CADPS: variants seen among roughly 807,000 people sequenced by gnomAD.
CADPS encodes calcium-dependent secretion activator 1.
A neutral mutation model predicts 167.3 loss-of-function variants in CADPS; 57 were observed. That is an observed-to-expected ratio of 0.34 (90% CI 0.28 to 0.42). CADPS has a LOEUF of 0.42. CADPS is among the 20% of genes least tolerant of loss of function. CADPS has a pLI of 1.00. For missense variants in CADPS, 1,414 were observed against 1,738.1 expected (o/e 0.81, Z 3.32); for synonymous variants, 676 against 635.3 (o/e 1.06, Z -0.96).
intron 6 of CADPS, among the ~76,000 whole-genome samples, chr3:62,598,891 T>C (rs931654241): frequency 3.3e-5 from 5 of 152,214 alleles, no homozygotes; most frequent in African/African-American, 9.7e-5. Context: ...TGGGCCACTC[T>C]GGCTTTTTAC....
intron 3 of CADPS, among the ~76,000 whole-genome samples, chr3:62,668,385 C>T (rs949979341): frequency 1.3e-5 from 2 of 152,088 alleles, no homozygotes; most frequent in South Asian, 2.1e-4. Context: ...GCACCACATC[C>T]TCCCCCAGTA....
chr3:62,719,581 A>T (rs1006357494), intron 3 of CADPS, among the ~76,000 whole-genome samples: 1 of 152,212 alleles, frequency 6.6e-6, no homozygotes, highest in African/African-American at 2.4e-5. Context: ...GCTTACCATT[A>T]GATTCTCAGT....
At chr3:62,819,951 G>A (rs901108407) in intron 1 of CADPS, among the ~76,000 whole-genome samples, 1 of 152,090 alleles carries the variant, frequency 6.6e-6, no homozygotes, top group African/African-American at 2.4e-5. Flanking sequence ...GAGTATAACA[G>A]CTTTTCTGAT....
intron 1 of CADPS, among the ~76,000 whole-genome samples, chr3:62,844,619 T>A (rs1164498577): frequency 6.6e-6 from 1 of 152,180 alleles, no homozygotes; most frequent in Non-Finnish European, 1.5e-5. Flanking sequence ...AGCGTAGGTA[T>A]CGGGGTCTAT....
At chr3:62,815,394 T>C (rs1381494490) in intron 1 of CADPS, among the ~76,000 whole-genome samples, 2 of 151,620 alleles carry the variant, frequency 1.3e-5, no homozygotes, top group African/African-American at 2.4e-5. Flanking sequence ...AAAATTAATC[T>C]ATGGTCCGAG....
At chr3:62,712,952 C>T (rs2083700092) in intron 3 of CADPS, among the ~76,000 whole-genome samples, 1 of 152,182 alleles carries the variant, frequency 6.6e-6, no homozygotes, top group South Asian at 2.1e-4. Flanking sequence ...ATGAGCCAGC[C>T]TCAAACCTGG....
rs139289931 is a variant in CADPS, at chr3:62,710,402, T to TAA, written c.888+43037_888+43038dup. Among the ~76,000 whole-genome samples, 11 of 149,688 alleles carry TAA rather than the reference T, an allele frequency of 7.3e-5. No homozygotes were observed. The East Asian group carries it at 2.0e-3, about 27-fold the overall frequency. On this transcript the variant is annotated intron_variant, in intron 3 of 29. Coordinates refer to ENST00000383710, the MANE Select transcript of CADPS (RefSeq NM_003716.4). Reference sequence around the variant, plus strand: ...TTTTTTTAAAAAGTTGAGATATAATTAAAAAAAAAATCTGAGATAAACCTT... The same window carrying TAA: ...TTTTTTTAAAAAGTTGAGATATAATTAAAAAAAAAAAATCTGAGATAAACCTT...
chr3:62,660,197 TA>T (rs1174956078), intron 4 of CADPS, among the ~76,000 whole-genome samples: 1 of 152,166 alleles, frequency 6.6e-6, no homozygotes, highest in South Asian at 2.1e-4. Flanking sequence ...ACAAAGCAAG[TA>T]AATTAAAGGT....
At chr3:62,688,057 G>T (rs2078418040) in intron 3 of CADPS, among the ~76,000 whole-genome samples, 1 of 152,038 alleles carries the variant, frequency 6.6e-6, no homozygotes, top group African/African-American at 2.4e-5. Context: ...AGGTGGTAAG[G>T]CACTGTGGTT....
rs369016576 is a variant in CADPS at position 62,874,625 on chromosome 3, G to C, written c.405C>G (p.Ala135=). ...VMRCIAYPFN[A]KQPTDMARRQ... is the part of the protein sequence containing the mutation. The stretch of plus-strand genomic sequence containing the variant: ...GGCGAGCCATGTCGGTGGGCTGCTT[G>C]GCATTAAAGGGGTAGGCGATGCAGC... The change falls in exon 1 of 30, where the codon GCC becomes GCG. Residue 135 remains alanine, a synonymous_variant. Coordinates refer to ENST00000383710, the MANE Select transcript of CADPS (RefSeq NM_003716.4). This position sits in a 1 kb window ranked among gnomAD's most constrained non-coding sequence, Gnocchi z 7.1. The C allele has an allele frequency of 6.4e-6, 10 of 1,559,812 alleles. No homozygotes were observed. The East Asian group carries it at 2.2e-4, about 34-fold the overall frequency.
chr3:62,707,594 A>G (rs951608996), intron 3 of CADPS, among the ~76,000 whole-genome samples: 5 of 152,154 alleles, frequency 3.3e-5, no homozygotes, highest in Admixed American at 1.3e-4. Context: ...TGTGTTTTCC[A>G]TTATGTAGTC....
intron 17 of CADPS, among the ~76,000 whole-genome samples, chr3:62,504,470 G>C (rs1342744443): frequency 2.0e-5 from 3 of 152,216 alleles, no homozygotes; most frequent in Non-Finnish European, 2.9e-5. Context: ...AACCTGGGTA[G>C]AGAAAGACTT....
chr3:62,630,424 C>A (rs986435546), intron 6 of CADPS, among the ~76,000 whole-genome samples: 3 of 152,170 alleles, frequency 2.0e-5, no homozygotes, highest in Non-Finnish European at 1.5e-5. Flanking sequence ...CACTGCAACT[C>A]CCACCTCTCA....
intron 3 of CADPS, among the ~76,000 whole-genome samples, chr3:62,720,981 C>T (rs927529780): frequency 1.3e-5 from 2 of 151,540 alleles, no homozygotes; most frequent in African/African-American, 4.9e-5. Context: ...CCACGCCCGG[C>T]TAATTTTTTG....
intron 1 of CADPS, among the ~76,000 whole-genome samples, chr3:62,844,491 T>TCCCCAACCC (rs2077094225): frequency 1.3e-5 from 2 of 152,174 alleles, no homozygotes; most frequent in Non-Finnish European, 2.9e-5. Context: ...CCTTTTACAC[T>TCCCCAACCC]TTACTGAGGA....
chr3:62,756,398 G>A (rs937926518), intron 2 of CADPS, among the ~76,000 whole-genome samples: 3 of 152,076 alleles, frequency 2.0e-5, no homozygotes, highest in Non-Finnish European at 4.4e-5. Context: ...ATACACCAAA[G>A]GAATTGAACA....
Position 62,739,341 on chromosome 3 carries a change from A to C in CADPS, c.888+14100T>G, listed in dbSNP as rs72878341. 2.4e-3 allele frequency among the ~76,000 whole-genome samples: 373 copies of C among 152,312 alleles called. 1 individual carries two copies. Among genetic ancestry groups the C allele is most frequent in the African/African-American group, 8.6e-3 (356 of 41,570 alleles). ...AGCTGACAACAAACACAACAAACTCAATAAGTGAGCCCAGCCAAGACCATA... is the reference window on the plus strand; with the variant it reads ...AGCTGACAACAAACACAACAAACTCCATAAGTGAGCCCAGCCAAGACCATA... On this transcript the variant is annotated intron_variant, in intron 3 of 29. Transcript: ENST00000383710.
intron 6 of CADPS, among the ~76,000 whole-genome samples, chr3:62,643,428 T>C (rs900958756): frequency 6.6e-6 from 1 of 152,230 alleles, no homozygotes. Context: ...AAATGTATAC[T>C]TCTTACTGGA....
In CADPS at chr3:62,746,853, C is replaced by T. The variant is rs114242467; in HGVS notation, c.888+6588G>A. ...AATTCCAGCTTTGTGAGACCCTTAA[C>T]AGACGACCTGGCTAAGTCATGCCTG... On this transcript the variant is annotated intron_variant, in intron 3 of 29. Transcript: ENST00000383710. 3.9e-3 allele frequency among the ~76,000 whole-genome samples: 593 copies of T among 152,298 alleles called. 7 individuals carry two copies. The highest frequency in any genetic ancestry group is 0.014 in the African/African-American group (565 of 41,550).
Sources: allele counts gnomAD v4.1 joint callset (sites outside exome capture counted in the v4.1 genomes callset), GRCh38; gene constraint gnomAD v4.1.1; non-coding constraint Gnocchi (gnomAD v3.1); transcripts MANE v1.5; gene names NCBI Gene and HGNC (gene_info 2026-07-23, HGNC 2026-07-21).